The following MYOF variants were observed in gnomAD, a reference collection of about 807,000 sequenced individuals.
The protein encoded by MYOF is fer-1-like 3, myoferlin.
In MYOF, 244 loss-of-function variants were observed where a neutral mutation model predicts 284.2. That is an observed-to-expected ratio of 0.86 (90% CI 0.77 to 0.95). The LOEUF (loss-of-function observed/expected upper bound fraction) is 0.95, where lower values mean the gene tolerates loss of function less well. Ranked by LOEUF, MYOF falls within the 40% of genes least tolerant of loss-of-function variation. The probability of loss-of-function intolerance (pLI) is 0.00; values close to 1 mark genes in which losing one functional copy is unlikely to be tolerated. For missense variants in MYOF, 2,496 were observed against 2,560.6 expected (o/e 0.97, Z 0.54); for synonymous variants, 904 against 919.7 (o/e 0.98, Z 0.31).
chr10:93,352,032 C>T (rs1221015628), intron 32 of MYOF, among the ~76,000 whole-genome samples, 186 bp from the exon 33 acceptor site: 2 of 152,112 alleles, frequency 1.3e-5, no homozygotes, highest in Admixed American at 6.5e-5. Flanking sequence ...AGCAGAGGCA[C>T]CTGAAGCGAG....
intron 7 of MYOF, among the ~76,000 whole-genome samples, chr10:93,406,288 T>TTATATATATATATATATATATATATA (rs3980375): frequency 0.012 from 682 of 57,846 alleles, 55 homozygotes; most frequent in East Asian, 0.024. Flanking sequence ...TAAACCTCTT[T>TTATATATATATATATATATATATATA]TATATATATA....
intron 2 of MYOF, among the ~76,000 whole-genome samples, chr10:93,453,354 CA>C (rs1320671843): frequency 6.6e-6 from 1 of 152,164 alleles, no homozygotes; most frequent in Non-Finnish European, 1.5e-5. Flanking sequence ...TTAGTAGAGA[CA>C]GGGTTTCACC....
intron 23 of MYOF, among the ~76,000 whole-genome samples, chr10:93,374,413 G>A (rs1229096710): frequency 2.0e-5 from 3 of 152,160 alleles, no homozygotes; most frequent in Admixed American, 2.0e-4. Flanking sequence ...GTAGAACCAA[G>A]GTTCAAATTC....
chr10:93,316,585 C>T (rs1197392340), intron 50 of MYOF, 129 bp downstream of exon 50: 23 of 779,276 alleles, frequency 3.0e-5, no homozygotes, highest in Non-Finnish European at 4.1e-5. Context: ...GGGTGTATCC[C>T]CTGTCCCCCC....
At chr10:93,345,972 C>T (rs1844168408) in intron 37 of MYOF, among the ~76,000 whole-genome samples, 2 of 152,216 alleles carry the variant, frequency 1.3e-5, no homozygotes, top group Admixed American at 6.5e-5. Flanking sequence ...AGCATTTGTA[C>T]CCTCTGGGTG....
intron 43 of MYOF, among the ~76,000 whole-genome samples, chr10:93,331,635 C>T (rs969469040): frequency 5.6e-5 from 8 of 144,102 alleles, no homozygotes; most frequent in Non-Finnish European, 7.5e-5. Context: ...GATCATATTG[C>T]GGTGCCAGAG....
intron 9 of MYOF, 87 bp downstream of exon 9, chr10:93,403,936 A>G: frequency 7.0e-7 from 1 of 1,430,204 alleles, no homozygotes; most frequent in East Asian, 2.3e-5. Context: ...CCAAGATGCC[A>G]CCAAGATGCG....
chr10:93,369,598 C>T, intron 25 of MYOF, 47 bp downstream of exon 25: 1 of 1,607,732 alleles, frequency 6.2e-7, no homozygotes, highest in Non-Finnish European at 8.5e-7. Flanking sequence ...GTAAAAGTGC[C>T]CCTCCCCCGA....
At chr10:93,322,012 A>T (rs1275857731) in intron 48 of MYOF, among the ~76,000 whole-genome samples, 2 of 152,180 alleles carry the variant, frequency 1.3e-5, no homozygotes, top group Admixed American at 6.5e-5. Context: ...AAAAAAAAAA[A>T]AATAATGCTT....
intron 20 of MYOF, among the ~76,000 whole-genome samples, chr10:93,380,516 A>G (rs1367437132): frequency 2.0e-5 from 3 of 152,168 alleles, no homozygotes; most frequent in African/African-American, 7.2e-5. Flanking sequence ...TACAAAAATT[A>G]AGTTAAAACT....
At chr10:93,462,712 C>T (rs2056912199) in intron 1 of MYOF, among the ~76,000 whole-genome samples, 1 of 150,966 alleles carries the variant, frequency 6.6e-6, no homozygotes, top group East Asian at 2.0e-4. Context: ...TATTGAAAAC[C>T]TATTCTCACA....
rs1554842528 is a variant in MYOF, at chr10:93,347,568, A to AAAAAAAAG, written c.4249+48_4249+49insCTTTTTTT. The AAAAAAAAG allele has an allele frequency of 6.4e-4, 763 of 1,185,030 alleles. 3 individuals are homozygous for AAAAAAAAG. Among genetic ancestry groups the AAAAAAAAG allele is most frequent in the Non-Finnish European group, 6.5e-4 (608 of 930,296 alleles). 73.4% of individuals were successfully genotyped at this position (1,185,030 alleles called of 1,614,324 possible). On this transcript the variant is annotated intron_variant, in intron 37 of 53. Coordinates refer to ENST00000359263, the MANE Select transcript of MYOF (RefSeq NM_013451.4). ...AGCGAGACTCCGTCTCAAAAAAAAA[A>AAAAAAAAG]AAAAAAAAAAGAAAAGCCCCCAGAC...
chr10:93,344,810 GGTT>G (rs1345149277), intron 37 of MYOF, among the ~76,000 whole-genome samples: 1 of 150,520 alleles, frequency 6.6e-6, no homozygotes, highest in Non-Finnish European at 1.5e-5. Context: ...TCAGGCCTGA[GGTT>G]GCAGTGGCTT....
At chr10:93,347,832 C>T in intron 36 of MYOF, 50 bp from the exon 37 acceptor site, 2 of 1,564,142 alleles carry the variant, frequency 1.3e-6, no homozygotes, top group Non-Finnish European at 1.7e-6. Context: ...ACGAGGGCAG[C>T]TTTGAGAAAA....
At chr10:93,434,620 A>G (rs7087720) in intron 3 of MYOF, among the ~76,000 whole-genome samples, 30,099 of 151,954 alleles carry the variant, frequency 0.2, 3,140 homozygotes, top group African/African-American at 0.26. Context: ...TGCTGCTGTC[A>G]TACATTTAAC....
intron 5 of MYOF, among the ~76,000 whole-genome samples, chr10:93,420,075 G>A (rs765431596): frequency 3.9e-5 from 6 of 152,172 alleles, no homozygotes; most frequent in Non-Finnish European, 8.8e-5. Flanking sequence ...AGAGGTTTCA[G>A]TGAGCTGAGA....
chr10:93,429,456 G>T (rs1228749094), intron 4 of MYOF, among the ~76,000 whole-genome samples: 1 of 152,120 alleles, frequency 6.6e-6, no homozygotes, highest in African/African-American at 2.4e-5. Context: ...CATTCTAGGG[G>T]TCTACATATG....
At chr10:93,317,090 G>A (rs2133740911) in intron 49 of MYOF, among the ~76,000 whole-genome samples, 1 of 149,856 alleles carries the variant, frequency 6.7e-6, no homozygotes. Context: ...GGGTTGGAGA[G>A]TGACTCATCT....
intron 51 of MYOF, among the ~76,000 whole-genome samples, chr10:93,311,087 C>T (rs1842363524): frequency 1.3e-5 from 2 of 152,178 alleles, no homozygotes; most frequent in South Asian, 2.1e-4. Context: ...TGCACAGTGG[C>T]TGGCATTCAG....
Sources: allele counts gnomAD v4.1 joint callset (sites outside exome capture counted in the v4.1 genomes callset), GRCh38; gene constraint gnomAD v4.1.1; transcripts MANE v1.5; gene names NCBI Gene and HGNC (gene_info 2026-07-23, HGNC 2026-07-21).